RORB: variants seen among roughly 807,000 people sequenced by gnomAD.
RORB encodes RAR related orphan receptor B.
Under a neutral mutation model 59.1 loss-of-function variants are expected in RORB, and 6 were observed. That is an observed-to-expected ratio of 0.10 (90% CI 0.06 to 0.20). The LOEUF (loss-of-function observed/expected upper bound fraction) is 0.20, where lower values mean the gene tolerates loss of function less well. Among genes scored for constraint, RORB ranks in the 10% least tolerant of loss-of-function variants. The pLI, the probability that RORB is intolerant of heterozygous loss-of-function variation, is 1.00. For missense variants in RORB, 320 were observed against 560.5 expected, an observed-to-expected ratio of 0.57 and a Z score of 4.33; for synonymous variants, 215 against 204.5, an observed-to-expected ratio of 1.05 and a Z score of -0.44.
chr9:74,585,332 T>C (rs1235040350), intron 1 of RORB, among the ~76,000 whole-genome samples: 1 of 152,188 alleles, frequency 6.6e-6, no homozygotes, highest in East Asian at 1.9e-4. Flanking sequence ...TATCAAGGAC[T>C]GAAAGAGTAA....
At chr9:74,550,832 C>A (rs938110569) in intron 1 of RORB, among the ~76,000 whole-genome samples, 2 of 152,180 alleles carry the variant, frequency 1.3e-5, no homozygotes, top group Admixed American at 6.5e-5. Flanking sequence ...AGCTGTTGAG[C>A]AGTTGAAATG....
At chr9:74,586,042 C>T (rs1019141398) in intron 1 of RORB, among the ~76,000 whole-genome samples, 5 of 152,204 alleles carry the variant, frequency 3.3e-5, no homozygotes, top group Middle Eastern at 3.4e-3. Context: ...GATCCGCCCG[C>T]CTCGACCTCC....
intron 1 of RORB, among the ~76,000 whole-genome samples, chr9:74,542,799 G>T (rs972155523): frequency 1.3e-5 from 2 of 152,100 alleles, no homozygotes; most frequent in Non-Finnish European, 2.9e-5. Context: ...TTGTTTCTCA[G>T]GGTCTACTTA....
chr9:74,545,312 G>A (rs924123760), intron 1 of RORB, among the ~76,000 whole-genome samples: 1 of 152,090 alleles, frequency 6.6e-6, no homozygotes, highest in Non-Finnish European at 1.5e-5. Context: ...GAGCACGTTG[G>A]TAGTTCTAGT....
At chr9:74,619,918 T>G (rs1823382689) in intron 1 of RORB, among the ~76,000 whole-genome samples, 1 of 152,234 alleles carries the variant, frequency 6.6e-6, no homozygotes, top group South Asian at 2.1e-4. Flanking sequence ...ATAAGCTTTT[T>G]GATGTGCTGC....
At position 74,633,194 on chromosome 9, in the gene RORB, A is replaced by AT. The variant is rs1823648102; in HGVS notation, c.94-1432dup. On this transcript the variant is annotated intron_variant, in intron 2 of 9. Coordinates refer to ENST00000376896, the MANE Select transcript of RORB (RefSeq NM_006914.4). ...ATTGGGTATTTTTGCATTAATGTAG[A>AT]TTTTTAACACATTGTGTTAAAATAT... is the stretch of plus-strand genomic sequence containing the variant. 3.3e-5 allele frequency among the ~76,000 whole-genome samples: 5 copies of AT among 152,344 alleles called. No homozygotes were observed. The South Asian group carries it at 1.0e-3, about 32-fold the overall frequency.
intron 4 of RORB, among the ~76,000 whole-genome samples, chr9:74,659,546 G>A (rs559152410): frequency 2.6e-5 from 4 of 152,058 alleles, no homozygotes; most frequent in South Asian, 2.1e-4. Context: ...TCGCTCTGTC[G>A]CCCAGACTGG....
intron 1 of RORB, among the ~76,000 whole-genome samples, chr9:74,519,951 T>C (rs1301511909): frequency 6.6e-6 from 1 of 151,818 alleles, no homozygotes; most frequent in African/African-American, 2.4e-5. Context: ...TACATATCAA[T>C]TAAAATACCT....
intron 1 of RORB, among the ~76,000 whole-genome samples, chr9:74,589,351 G>T (rs567390366): frequency 2.8e-4 from 43 of 152,162 alleles, no homozygotes; most frequent in African/African-American, 9.6e-4. Context: ...GACTACACAG[G>T]TTCCCACCTC....
intron 4 of RORB, among the ~76,000 whole-genome samples, chr9:74,654,987 C>G (rs574590257): frequency 2.0e-5 from 3 of 152,122 alleles, no homozygotes; most frequent in South Asian, 2.1e-4. Context: ...CAATACACAC[C>G]CAATTTTTCC....
intron 1 of RORB, among the ~76,000 whole-genome samples, chr9:74,505,863 T>C (rs1825863606): frequency 6.6e-6 from 1 of 151,832 alleles, no homozygotes; most frequent in South Asian, 2.1e-4. Flanking sequence ...AAAATTGTTC[T>C]CAAGTGACAA....
chr9:74,616,370 G>A (rs1823312856), intron 1 of RORB, among the ~76,000 whole-genome samples: 2 of 152,130 alleles, frequency 1.3e-5, no homozygotes, highest in South Asian at 4.1e-4. Flanking sequence ...GTTCAAAAAA[G>A]TTCCTGATCA....
At chr9:74,570,711 G>A (rs1176799817) in intron 1 of RORB, among the ~76,000 whole-genome samples, 1 of 141,106 alleles carries the variant, frequency 7.1e-6, no homozygotes, top group African/African-American at 2.5e-5. Flanking sequence ...TACAGCTTAT[G>A]AATTTGTGTG....
intron 1 of RORB, among the ~76,000 whole-genome samples, chr9:74,586,600 CGTGTGTGTGTGTGTGT>C (rs1313500289): frequency 2.1e-5 from 3 of 141,196 alleles, no homozygotes; most frequent in East Asian, 2.1e-4. Context: ...ATGTAATGTC[CGTGTGTGTGTGTGTGT>C]GTGTGTGTGT....
chr9:74,546,507 A>T (rs1404319365), intron 1 of RORB, among the ~76,000 whole-genome samples: 3 of 152,206 alleles, frequency 2.0e-5, no homozygotes, highest in Non-Finnish European at 4.4e-5. Context: ...AGAAGGGCAT[A>T]ATCAATGGCA....
At chr9:74,523,357 C>T (rs1402758869) in intron 1 of RORB, among the ~76,000 whole-genome samples, 2 of 151,758 alleles carry the variant, frequency 1.3e-5, no homozygotes, top group African/African-American at 4.8e-5. Flanking sequence ...TCTTCCTCTT[C>T]CTCTCTTCAA....
intron 1 of RORB, among the ~76,000 whole-genome samples, chr9:74,604,647 G>C (rs1823122742): frequency 6.6e-6 from 1 of 152,292 alleles, no homozygotes; most frequent in East Asian, 1.9e-4. Context: ...GTTAGTAAGT[G>C]TAGTGGTGTT....
At chr9:74,651,333 G>A (rs1394689347) in intron 4 of RORB, among the ~76,000 whole-genome samples, 2 of 152,096 alleles carry the variant, frequency 1.3e-5, no homozygotes, top group Non-Finnish European at 2.9e-5. Flanking sequence ...TCAGGAGTTC[G>A]AGGCCAGCCT....
intron 1 of RORB, among the ~76,000 whole-genome samples, chr9:74,514,677 A>AAT (rs1243411979): frequency 6.7e-6 from 1 of 148,328 alleles, no homozygotes; most frequent in Non-Finnish European, 1.5e-5. Flanking sequence ...TATATTTAAT[A>AAT]ATATATATAA....
Sources: allele counts gnomAD v4.1 joint callset (sites outside exome capture counted in the v4.1 genomes callset), GRCh38; gene constraint gnomAD v4.1.1; transcripts MANE v1.5; gene names NCBI Gene and HGNC (gene_info 2026-07-23, HGNC 2026-07-21).